COL25A1: variants seen among roughly 807,000 people sequenced by gnomAD.
COL25A1 encodes collagen type XXV alpha 1 chain, also known as collagen alpha-1(XXV) chain.
Under a neutral mutation model 128.4 loss-of-function variants are expected in COL25A1, and 103 were observed. The ratio of observed to expected loss-of-function variants is 0.80; its 90% confidence interval spans 0.68 to 0.94. The LOEUF is 0.94. Ranked by LOEUF, COL25A1 falls within the 40% of genes least tolerant of loss-of-function variation. The probability of loss-of-function intolerance (pLI) is 0.00; values close to 1 mark genes in which losing one functional copy is unlikely to be tolerated. For synonymous variants in COL25A1, 279 were observed against 277.2 expected (o/e 1.01, Z -0.06); for missense variants, 745 against 840.0 (o/e 0.89, Z 1.40).
At chr4:108,861,382 T>C (rs962978444) in intron 22 of COL25A1, among the ~76,000 whole-genome samples, 2 of 152,070 alleles carry the variant, frequency 1.3e-5, no homozygotes, top group Non-Finnish European at 2.9e-5. Context: ...AAGAAAAGTG[T>C]AGATAGTTGG....
At chr4:109,203,745 T>C (rs967925636) in intron 3 of COL25A1, among the ~76,000 whole-genome samples, 2 of 152,166 alleles carry the variant, frequency 1.3e-5, no homozygotes, top group African/African-American at 4.8e-5. Context: ...TAAAGCAATG[T>C]TTAATTCCAA....
chr4:108,832,361 AACC>A lies in COL25A1; in HGVS notation c.1710+16_1710+18del. On this transcript the variant is annotated intron_variant, in intron 32 of 37. Transcript: ENST00000399132. ...GTGTTTTCTTTAGTACAAGCTTAATAACCTCAGCAACAACTTACTCTTTCTCCT... is the reference window on the plus strand; with the variant it reads ...GTGTTTTCTTTAGTACAAGCTTAATATCAGCAACAACTTACTCTTTCTCCT... The A allele has an allele frequency of 6.3e-7, 1 of 1,593,720 alleles. No individual in the cohort carries two copies. The highest frequency in any genetic ancestry group is 2.2e-5 in the East Asian group (1 of 44,738).
At chr4:109,004,558 A>G (rs1389996371) in intron 6 of COL25A1, among the ~76,000 whole-genome samples, 1 of 152,080 alleles carries the variant, frequency 6.6e-6, no homozygotes, top group African/African-American at 2.4e-5. Context: ...GCCTGGTGGG[A>G]GGTGACTGGA....
At chr4:109,149,330 T>C (rs988519580) in intron 3 of COL25A1, among the ~76,000 whole-genome samples, 3 of 152,204 alleles carry the variant, frequency 2.0e-5, no homozygotes, top group African/African-American at 7.2e-5. Context: ...TAACATTAAA[T>C]TTTAGCAATT....
chr4:109,280,450 T>C (rs545071807), intron 3 of COL25A1, among the ~76,000 whole-genome samples: 5 of 152,192 alleles, frequency 3.3e-5, no homozygotes, highest in South Asian at 2.1e-4. Flanking sequence ...ATTGAGAACA[T>C]AGAACGTTCT....
At chr4:109,162,930 T>C (rs1772723948) in intron 3 of COL25A1, among the ~76,000 whole-genome samples, 1 of 152,228 alleles carries the variant, frequency 6.6e-6, no homozygotes, top group Non-Finnish European at 1.5e-5. Flanking sequence ...AGTCGTTCTC[T>C]CTTCCTCCCC....
chr4:109,046,252 G>T (rs1760417205), intron 5 of COL25A1, among the ~76,000 whole-genome samples: 2 of 152,150 alleles, frequency 1.3e-5, no homozygotes, highest in African/African-American at 4.8e-5. Flanking sequence ...TACACTAGGG[G>T]CTTAATGCTA....
In COL25A1 at chr4:108,812,796, T is replaced by C. The variant is rs1186165856; in HGVS notation, c.*1131A>G. 1 of 152,174 alleles carries C rather than the reference T, an allele frequency of 6.6e-6. No individual in the cohort carries two copies. The highest frequency in any genetic ancestry group is 2.1e-4 in the South Asian group (1 of 4,834). The allele number at this position is 152,174 out of a possible 1,614,324, so 9.4% of individuals were successfully genotyped here. ...ACAACTTTGGCACAGATTGTCCCAG[T>C]AAGCTCTCCTATATCATCGGGAGAG... On this transcript the variant is annotated 3_prime_UTR_variant, in exon 38 of 38. Coordinates refer to ENST00000399132, the MANE Select transcript of COL25A1 (RefSeq NM_198721.4).
chr4:108,825,521 G>C (rs1457850534), intron 33 of COL25A1, among the ~76,000 whole-genome samples: 1 of 152,120 alleles, frequency 6.6e-6, no homozygotes, highest in Non-Finnish European at 1.5e-5. Context: ...ATTAGTGACT[G>C]TTAGTGTTGA....
chr4:109,152,989 C>T (rs529107994), intron 3 of COL25A1, among the ~76,000 whole-genome samples: 3 of 151,910 alleles, frequency 2.0e-5, no homozygotes, highest in East Asian at 3.9e-4. Context: ...CTGAATGTAC[C>T]GCAAAACTAT....
At chr4:109,066,770 C>T (rs1762487595) in intron 3 of COL25A1, among the ~76,000 whole-genome samples, 1 of 152,120 alleles carries the variant, frequency 6.6e-6, no homozygotes, top group African/African-American at 2.4e-5. Flanking sequence ...TCAAGGGATC[C>T]TCCTGCCTCA....
chr4:108,948,498 T>C (rs1749034365), intron 8 of COL25A1, among the ~76,000 whole-genome samples: 1 of 152,180 alleles, frequency 6.6e-6, no homozygotes, highest in South Asian at 2.1e-4. Context: ...AATTCCATTC[T>C]ACTACGTTTT....
In COL25A1 at chr4:109,300,194, A is replaced by C. The variant is rs796802404; in HGVS notation, c.367+389T>G. On this transcript the variant is annotated intron_variant, in intron 3 of 37. Coordinates refer to ENST00000399132, the MANE Select transcript of COL25A1 (RefSeq NM_198721.4). ...AATAAACCAAAACAAAAAAAAAAAA[A>C]AACTCTGCACTAACACAATAAGAGC... Among the ~76,000 whole-genome samples, 58 of 152,098 alleles carry C rather than the reference A, an allele frequency of 3.8e-4. 1 individual carries two copies. Among genetic ancestry groups the C allele is most frequent in the African/African-American group, 1.1e-3 (44 of 41,536 alleles).
chr4:109,083,760 C>T (rs1040727228), intron 3 of COL25A1, among the ~76,000 whole-genome samples: 3 of 152,050 alleles, frequency 2.0e-5, no homozygotes, highest in Admixed American at 6.5e-5. Flanking sequence ...CCACCGCGTC[C>T]GGCCTAAATA....
At chr4:109,240,917 T>C (rs1779856504) in intron 3 of COL25A1, among the ~76,000 whole-genome samples, 1 of 143,698 alleles carries the variant, frequency 7.0e-6, no homozygotes, top group Non-Finnish European at 1.5e-5. Flanking sequence ...ATAAATCCTT[T>C]CAGAAACAAT....
intron 5 of COL25A1, among the ~76,000 whole-genome samples, chr4:109,025,621 T>G (rs1019349567): frequency 5.9e-5 from 9 of 152,340 alleles, no homozygotes; most frequent in African/African-American, 2.2e-4. Context: ...TCATGCTTAC[T>G]GCTTCACTAA....
At chr4:108,915,125 C>T (rs925119915) in intron 13 of COL25A1, among the ~76,000 whole-genome samples, 4 of 152,164 alleles carry the variant, frequency 2.6e-5, no homozygotes, top group African/African-American at 9.7e-5. Context: ...AGTCTAATGC[C>T]ATGCCACTGC....
intron 3 of COL25A1, among the ~76,000 whole-genome samples, chr4:109,159,707 T>C (rs1290952966): frequency 6.6e-6 from 1 of 152,238 alleles, no homozygotes; most frequent in African/African-American, 2.4e-5. Flanking sequence ...TCTAAACTCA[T>C]AAGACAGGGT....
intron 9 of COL25A1, 52 bp downstream of exon 9, chr4:108,941,314 A>G (rs1748060037): frequency 7.1e-7 from 1 of 1,415,802 alleles, no homozygotes. Flanking sequence ...AGGTACACAG[A>G]GCAATAACTG....
Sources: allele counts gnomAD v4.1 joint callset (sites outside exome capture counted in the v4.1 genomes callset), GRCh38; gene constraint gnomAD v4.1.1; transcripts MANE v1.5; gene names NCBI Gene and HGNC (gene_info 2026-07-23, HGNC 2026-07-21).